Variants in ARHGAP28 observed in about 807,000 individuals in gnomAD.
ARHGAP28 encodes the protein rho GTPase-activating protein 28.
A neutral mutation model predicts 90.7 loss-of-function variants in ARHGAP28; 56 were observed. The ratio of observed to expected loss-of-function variants is 0.62; its 90% CI spans 0.50 to 0.77. The LOEUF (loss-of-function observed/expected upper bound fraction) is 0.77. Among genes scored for constraint, ARHGAP28 ranks in the 30% least tolerant of loss-of-function variants. The probability of loss-of-function intolerance (pLI) is 0.00; values close to 1 mark genes in which losing one functional copy is unlikely to be tolerated. For synonymous variants in ARHGAP28, 308 were observed against 323.3 expected, an observed-to-expected ratio of 0.95 and a Z score of 0.51; for missense variants, 869 against 900.9, an observed-to-expected ratio of 0.96 and a Z score of 0.45.
At chr18:6,898,240 G>C (rs1401594283) in intron 16 of ARHGAP28, 1 of 417,992 alleles carries the variant, frequency 2.4e-6, no homozygotes, top group Non-Finnish European at 4.2e-6. Flanking sequence ...TGGAAGGTAG[G>C]GGGTGGAGGA....
chr18:6,798,616 C>T (rs1409691819), intron 1 of ARHGAP28, among the ~76,000 whole-genome samples: 4 of 152,264 alleles, frequency 2.6e-5, no homozygotes, highest in East Asian at 1.9e-4. Context: ...AAATACTGTA[C>T]GTTCTCACTG....
intron 3 of ARHGAP28, among the ~76,000 whole-genome samples, chr18:6,841,222 T>TCTC (rs1555631541): frequency 2.0e-5 from 2 of 100,106 alleles, no homozygotes. Flanking sequence ...TCTCTCTCTC[T>TCTC]CCCCCCAACC....
chr18:6,901,503 A>G (rs1567988226), intron 16 of ARHGAP28, among the ~76,000 whole-genome samples: 1 of 149,656 alleles, frequency 6.7e-6, no homozygotes. Context: ...TCATGTTGAT[A>G]GTATGTTGAT....
At chr18:6,786,591 CT>C (rs1378078185) in intron 1 of ARHGAP28, among the ~76,000 whole-genome samples, 1 of 152,132 alleles carries the variant, frequency 6.6e-6, no homozygotes, top group Non-Finnish European at 1.5e-5. Flanking sequence ...CCACTTCATT[CT>C]TTGAAACTAT....
chr18:6,794,383 T>C (rs1041250769), intron 1 of ARHGAP28, among the ~76,000 whole-genome samples: 5 of 152,176 alleles, frequency 3.3e-5, no homozygotes, highest in Admixed American at 6.5e-5. Context: ...ATCTTGAGCA[T>C]GTAGCAGGAA....
chr18:6,791,215 A>G (rs1448503562), intron 1 of ARHGAP28: 1 of 152,304 alleles, frequency 6.6e-6, no homozygotes, highest in Non-Finnish European at 1.5e-5. Flanking sequence ...GAGGGCAGGA[A>G]AAATCCAGCA....
intron 1 of ARHGAP28, among the ~76,000 whole-genome samples, chr18:6,770,182 C>T (rs1026259696): frequency 3.9e-5 from 6 of 152,144 alleles, no homozygotes; most frequent in Non-Finnish European, 8.8e-5. Context: ...TAGTCATGGA[C>T]ATAAATGATC....
chr18:6,912,006 C>T (rs960682160), intron 17 of ARHGAP28, 54 bp from the exon 18 acceptor site: 2 of 1,184,790 alleles, frequency 1.7e-6, no homozygotes, highest in African/African-American at 3.0e-5. Context: ...TATGTGTGCG[C>T]ACGCACACAC....
At chr18:6,885,572 T>C (rs2057213821) in intron 11 of ARHGAP28, among the ~76,000 whole-genome samples, 1 of 152,174 alleles carries the variant, frequency 6.6e-6, no homozygotes, top group African/African-American at 2.4e-5. Flanking sequence ...TCTGGGGAAA[T>C]AATGACCTCA....
At chr18:6,848,914 A>G (rs112209567) in intron 3 of ARHGAP28, among the ~76,000 whole-genome samples, 4,031 of 152,034 alleles carry the variant, frequency 0.027, 91 homozygotes, top group Non-Finnish European at 0.039. Context: ...GGCTTTCACT[A>G]TGCCTTTCAT....
chr18:6,896,506 A>T lies in ARHGAP28; in HGVS notation c.1910A>T (p.Asp637Val), dbSNP rs775812719. The change falls in exon 16 of 18, where the codon GAC (aspartate) becomes GTC (valine). Residue 637 changes from aspartate (D) to valine (V), a missense_variant. Transcript: ENST00000383472. ...QKSPSARRMS[D>V]VPEGVIRVHA... is the part of the protein sequence containing the mutation. ...TGAATTTCTCCTCCTTGGCAGTCTG[A>T]CGTGCCGGAAGGAGTCATACGGGTC... 10 of 1,614,052 alleles carry T rather than the reference A, an allele frequency of 6.2e-6. No individual in the cohort carries two copies. In the South Asian group the frequency reaches 7.7e-5, roughly 12 times the overall value.
chr18:6,819,375 G>A (rs1686139684), intron 1 of ARHGAP28, among the ~76,000 whole-genome samples: 2 of 152,182 alleles, frequency 1.3e-5, no homozygotes, highest in South Asian at 4.1e-4. Context: ...ATGTTGGAGA[G>A]CTGTGGATAC....
chr18:6,733,370 A>T (rs2143114003), intron 1 of ARHGAP28, among the ~76,000 whole-genome samples: 1 of 152,152 alleles, frequency 6.6e-6, no homozygotes, highest in East Asian at 1.9e-4. Context: ...AAATACTGTT[A>T]TACATATTTC....
chr18:6,740,812 A>G (rs1488932857), intron 1 of ARHGAP28, among the ~76,000 whole-genome samples: 2 of 152,220 alleles, frequency 1.3e-5, no homozygotes, highest in Non-Finnish European at 2.9e-5. Context: ...CTGTGCTACA[A>G]CTGGAAAGCA....
At chr18:6,792,899 C>T (rs1337402748) in intron 1 of ARHGAP28, among the ~76,000 whole-genome samples, 1 of 152,208 alleles carries the variant, frequency 6.6e-6, no homozygotes, top group African/African-American at 2.4e-5. Flanking sequence ...GGTTTCCAGC[C>T]TACTTACAAA....
intron 11 of ARHGAP28, among the ~76,000 whole-genome samples, chr18:6,882,711 T>A (rs1038463750): frequency 1.3e-5 from 2 of 152,170 alleles, no homozygotes; most frequent in African/African-American, 4.8e-5. Context: ...AAATACGACA[T>A]CACTGCCTTT....
intron 3 of ARHGAP28, among the ~76,000 whole-genome samples, chr18:6,844,397 A>G (rs771834631): frequency 5.3e-5 from 8 of 152,172 alleles, no homozygotes; most frequent in Non-Finnish European, 7.3e-5. Context: ...TTTGGGGTGC[A>G]CAGTTGATAG....
chr18:6,780,744 C>A (rs2056317642), intron 1 of ARHGAP28, among the ~76,000 whole-genome samples: 1 of 151,926 alleles, frequency 6.6e-6, no homozygotes, highest in South Asian at 2.1e-4. Context: ...CAAAAATTAG[C>A]CAGGCATGGT....
At chr18:6,867,996 C>T (rs895859394) in intron 5 of ARHGAP28, among the ~76,000 whole-genome samples, 154 bp from the exon 6 acceptor site, 2 of 152,192 alleles carry the variant, frequency 1.3e-5, no homozygotes, top group Admixed American at 6.5e-5. Context: ...AATGCAGAAA[C>T]AGGAAATCAG....
Sources: gnomAD v4.1 joint callset for allele counts (sites outside exome capture counted in the v4.1 genomes callset) on GRCh38, gnomAD v4.1.1 for gene constraint, MANE v1.5 for transcripts, NCBI Gene and HGNC (gene_info 2026-07-23, HGNC 2026-07-21) for gene names.